Variants in ZNF880 observed in about 807,000 individuals in gnomAD.
The protein encoded by ZNF880 is zinc finger protein LOC400713.
Under a neutral mutation model 11.8 loss-of-function variants are expected in ZNF880, and 12 were observed. That is an observed-to-expected ratio of 1.02 (90% confidence interval 0.65 to 1.65). The LOEUF is 1.65. Ranked by LOEUF, ZNF880 falls within the 40% of genes most tolerant of loss-of-function variation. The probability of loss-of-function intolerance (pLI) is 0.00; values close to 1 mark genes in which losing one functional copy is unlikely to be tolerated. For missense variants in ZNF880, 601 were observed against 673.9 expected (o/e 0.89, Z 1.20); for synonymous variants, 210 against 232.4 (o/e 0.90, Z 0.88).
chr19:52,393,911 A>T, the ZNF880 span, among the ~76,000 whole-genome samples: 2 of 132,638 alleles, frequency 1.5e-5, no homozygotes, highest in Non-Finnish European at 1.5e-5. Context: ...ATCTCAGCTC[A>T]CTGCAAGCTC....
chr19:52,383,460 T>C (rs1393747944), intron 3 of ZNF880, among the ~76,000 whole-genome samples: 1 of 152,210 alleles, frequency 6.6e-6, no homozygotes, highest in Non-Finnish European at 1.5e-5. Context: ...ATAAAGGGTA[T>C]AGGAACAGCC....
chr19:52,384,694 A>G lies in ZNF880; in HGVS notation c.1114A>G (p.Arg372Gly). The stretch of plus-strand genomic sequence containing the variant: ...AAATGCACACCTTACCAGACATCAA[A>G]GAATCCATACTGGAGAGAAACCTTA... ...NRNAHLTRHQ[R>G]IHTGEKPYEC... is the part of the protein sequence containing the mutation. Residue 372 changes from arginine to glycine, a missense_variant, in exon 4 of 4, where the codon AGA becomes GGA. By Grantham distance (125) the Arg-to-Gly change is moderately radical. This residue lies in a region of ZNF880 where 420 missense variants were observed against 442.6 expected (regional missense o/e 0.95). Coordinates refer to ENST00000422689, the MANE Select transcript of ZNF880 (RefSeq NM_001145434.2). The G allele has an allele frequency of 6.2e-7, 1 of 1,613,354 alleles. No individual in the cohort carries two copies. The highest frequency in any genetic ancestry group is 8.5e-7 in the Non-Finnish European group (1 of 1,179,864).
chr19:52,370,098 A>C, intron 1 of ZNF880, 121 bp downstream of exon 1: 1 of 1,287,814 alleles, frequency 7.8e-7, no homozygotes, highest in Non-Finnish European at 1.1e-6. Flanking sequence ...ACCCCGACTA[A>C]ACTCAGACGT....
At chr19:52,383,260 C>T (rs1383809055) in intron 3 of ZNF880, among the ~76,000 whole-genome samples, 1 of 152,082 alleles carries the variant, frequency 6.6e-6, no homozygotes, top group Non-Finnish European at 1.5e-5. Context: ...AAATACCTGT[C>T]AAGTAATTCA....
chr19:52,395,185 T>C, the ZNF880 span, among the ~76,000 whole-genome samples: 1 of 152,312 alleles, frequency 6.6e-6, no homozygotes, highest in South Asian at 2.1e-4. Flanking sequence ...GCACTGTGAT[T>C]ACAGGCCTCA....
At chr19:52,380,758 C>T (rs1986685656) in intron 3 of ZNF880, among the ~76,000 whole-genome samples, 1 of 152,114 alleles carries the variant, frequency 6.6e-6, no homozygotes, top group South Asian at 2.1e-4. Context: ...CTCATTGTAT[C>T]CTGCATCTCC....
rs187542042 is a variant in ZNF880, at chr19:52,384,776, A to G, written c.1196A>G (p.His399Arg). The change falls in exon 4 of 4, where the codon CAT becomes CGT. Residue 399 changes from histidine to arginine, a missense_variant. By Grantham distance (29) the His-to-Arg change is conservative. Around this residue, in one of 3 missense-constraint regions of ZNF880, gnomAD observed 177 missense variants for 214.5 expected, o/e 0.83. Coordinates refer to ENST00000422689, the MANE Select transcript of ZNF880 (RefSeq NM_001145434.2). ...CACAAGTTTTGTCTAACCAATCATC[A>G]TAGAATGCACACGGGAGAGCAACCT... ...FRHKFCLTNH[H>R]RMHTGEQPYK... The G allele has an allele frequency of 4.6e-5, 74 of 1,611,356 alleles. No individual in the cohort carries two copies. The African/African-American group carries it at 9.4e-4, about 20-fold the overall frequency.
intron 3 of ZNF880, chr19:52,380,113 T>A (rs1202162202): frequency 6.6e-6 from 1 of 151,678 alleles, no homozygotes; most frequent in Non-Finnish European, 1.5e-5. Flanking sequence ...TTGGCCAGGC[T>A]GGTCTCCAAC....
At chr19:52,371,723 C>T (rs1986378395) in intron 1 of ZNF880, among the ~76,000 whole-genome samples, 1 of 152,128 alleles carries the variant, frequency 6.6e-6, no homozygotes, top group Admixed American at 6.6e-5. Flanking sequence ...GGATCTGGCG[C>T]TTACTCTGCC....
intron 3 of ZNF880, among the ~76,000 whole-genome samples, chr19:52,375,158 G>GT (rs58352737): frequency 6.9e-4 from 98 of 143,026 alleles, no homozygotes; most frequent in African/African-American, 1.7e-3. Flanking sequence ...ACTAGTATTG[G>GT]TTTTTTTTTT....
chr19:52,391,933 G>C, the ZNF880 span, among the ~76,000 whole-genome samples: 3 of 152,092 alleles, frequency 2.0e-5, no homozygotes, highest in Non-Finnish European at 4.4e-5. Context: ...CCTCATCTCC[G>C]GTCATCAAAA....
chr19:52,387,985 T>C (rs1986933247), downstream of ZNF880, among the ~76,000 whole-genome samples: 1 of 136,998 alleles, frequency 7.3e-6, no homozygotes, highest in Non-Finnish European at 1.6e-5. Context: ...GTTGAAGCAA[T>C]TCTTCTGCTT....
At chr19:52,388,211 G>A (rs17780037), downstream of ZNF880, among the ~76,000 whole-genome samples, 36,674 of 141,670 alleles carry the variant, frequency 0.26, 4,975 homozygotes, top group Middle Eastern at 0.36. Flanking sequence ...TAGAATGGGA[G>A]TTTTTTTTGC....
intron 1 of ZNF880, among the ~76,000 whole-genome samples, chr19:52,372,841 C>T (rs1312917671): frequency 2.2e-5 from 3 of 135,426 alleles, no homozygotes; most frequent in East Asian, 4.7e-4. Context: ...ACCTGGGAGG[C>T]GGAGGTTGCA....
chr19:52,391,773 C>G, the ZNF880 span, among the ~76,000 whole-genome samples: 2 of 152,152 alleles, frequency 1.3e-5, no homozygotes, highest in African/African-American at 4.8e-5. Context: ...TTCTGCCAGA[C>G]GGCAGGCAGT....
chr19:52,374,575 G>T (rs543615335), intron 3 of ZNF880, 148 bp downstream of exon 3: 5 of 976,656 alleles, frequency 5.1e-6, no homozygotes, highest in Non-Finnish European at 8.0e-6. Flanking sequence ...GGTCTCAAGT[G>T]ATCCTCCTTC....
chr19:52,384,210 C>T lies in ZNF880; in HGVS notation c.630C>T (p.Asn210=), dbSNP rs1416695741. ...ANNQVIHTAD[N]PYKCNECDKV... ...ATCAAGTAATCCACACTGCAGATAA[C>T]CCTTACAAATGTAATGAATGTGACA... is the stretch of plus-strand genomic sequence containing the variant. Residue 210 remains asparagine (N), a synonymous_variant, in exon 4 of 4, where the codon AAC becomes AAT. Transcript: ENST00000422689. 4 of 1,611,868 alleles carry T rather than the reference C, an allele frequency of 2.5e-6. No individual in the cohort carries two copies. The highest frequency in any genetic ancestry group is 2.7e-5 in the African/African-American group (2 of 74,860).
the ZNF880 span, chr19:52,397,378 C>T: frequency 6.6e-6 from 1 of 152,172 alleles, no homozygotes; most frequent in African/African-American, 2.4e-5. Context: ...TAGCTTGCAT[C>T]ATCCCCTTCA....
At chr19:52,395,201 C>T in the ZNF880 span, among the ~76,000 whole-genome samples, 1 of 152,140 alleles carries the variant, frequency 6.6e-6, no homozygotes, top group Non-Finnish European at 1.5e-5. Flanking sequence ...CCTCAGACAC[C>T]ACACCCAGCC....
Sources: gnomAD v4.1 joint callset for allele counts (sites outside exome capture counted in the v4.1 genomes callset) on GRCh38, gnomAD v4.1.1 for gene constraint, gnomAD v4.1.1 regional missense constraint, MANE v1.5 for transcripts, NCBI Gene and HGNC (gene_info 2026-07-23, HGNC 2026-07-21) for gene names.